FAM13A: variants seen among roughly 807,000 people sequenced by gnomAD.
FAM13A encodes the protein family with sequence similarity 13 member A, also known as protein FAM13A.
A neutral mutation model predicts 129.6 loss-of-function variants in FAM13A; 76 were observed. The observed-to-expected ratio is 0.59, with a 90% CI of 0.49 to 0.71. FAM13A has a LOEUF of 0.71. Ranked by LOEUF, FAM13A falls within the 30% of genes least tolerant of loss-of-function variation. The pLI is 0.00. For missense variants in FAM13A, 1,108 were observed against 1,249.3 expected (o/e 0.89, Z 1.70); for synonymous variants, 443 against 449.9 (o/e 0.98, Z 0.20).
At chr4:88,815,142 T>C (rs1228310490) in intron 7 of FAM13A, among the ~76,000 whole-genome samples, 2 of 152,142 alleles carry the variant, frequency 1.3e-5, no homozygotes, top group Non-Finnish European at 2.9e-5. Flanking sequence ...CGCACCCAGC[T>C]TCCCTGAGTT....
At chr4:88,872,123 C>T (rs1402127338) in intron 6 of FAM13A, among the ~76,000 whole-genome samples, 4 of 152,182 alleles carry the variant, frequency 2.6e-5, no homozygotes. Flanking sequence ...CCAGGCCTGC[C>T]TTACAAGAGC....
chr4:88,805,816 G>A (rs909305806), intron 7 of FAM13A, among the ~76,000 whole-genome samples: 1 of 151,838 alleles, frequency 6.6e-6, no homozygotes, highest in Non-Finnish European at 1.5e-5. Context: ...CCACAGGCAC[G>A]TGCTACCATG....
chr4:88,730,537 T>C (rs375654506), intron 23 of FAM13A, among the ~76,000 whole-genome samples: 3 of 152,076 alleles, frequency 2.0e-5, no homozygotes, highest in South Asian at 4.1e-4. Flanking sequence ...ATTACAGGCC[T>C]GTGCTACTGC....
chr4:88,911,176 A>T (rs963323844), intron 5 of FAM13A, among the ~76,000 whole-genome samples: 2 of 152,096 alleles, frequency 1.3e-5, no homozygotes, highest in African/African-American at 4.8e-5. Context: ...TCCCTTTATG[A>T]TCCTTCGTTC....
chr4:88,887,059 C>T, intron 6 of FAM13A, among the ~76,000 whole-genome samples: 1 of 152,134 alleles, frequency 6.6e-6, no homozygotes, highest in Admixed American at 6.6e-5. Flanking sequence ...GAAAATCAAA[C>T]ATCGTATGTT....
At chr4:88,843,290 C>T (rs1736134474) in intron 7 of FAM13A, among the ~76,000 whole-genome samples, 1 of 152,180 alleles carries the variant, frequency 6.6e-6, no homozygotes, top group Admixed American at 6.5e-5. Flanking sequence ...CTGAGACACT[C>T]CCTCATTCAT....
intron 13 of FAM13A, among the ~76,000 whole-genome samples, chr4:88,765,911 CAGA>C (rs1032644975): frequency 6.6e-6 from 1 of 152,158 alleles, no homozygotes; most frequent in Non-Finnish European, 1.5e-5. Context: ...GAGTAACACA[CAGA>C]AGAAGAGGAC....
In FAM13A at chr4:88,906,528, G is replaced by A. The variant is rs562890999; in HGVS notation, c.760-66C>T. ...CACTTACCCTAACCAAAAATTACAA[G>A]GTAGTGAAAAACAGTTTTGAAGAGA... On this transcript the variant is annotated intron_variant, in intron 5 of 23. Transcript: ENST00000264344. 1.9e-5 allele frequency: 21 copies of A among 1,091,064 alleles called. No homozygotes were observed. In the Admixed American group the frequency reaches 4.2e-4, roughly 22 times the overall value. The allele number at this position is 1,091,064 out of a possible 1,614,324, so 67.6% of individuals were successfully genotyped here. A position where few individuals can be genotyped will look rare whatever the true frequency, so the allele number is the denominator to read the frequency against.
chr4:89,007,940 CA>C (rs1296221888), intron 3 of FAM13A, among the ~76,000 whole-genome samples: 14 of 152,200 alleles, frequency 9.2e-5, no homozygotes, highest in African/African-American at 3.4e-4. Flanking sequence ...GTCACTCGAA[CA>C]AGTATATTCT....
chr4:88,870,638 G>A lies in FAM13A; in HGVS notation c.844-19455C>T, dbSNP rs368517235. ...GGTAAACAAAGCGGCCAGGAAGCTC[G>A]AACTGGTTGGAGCCTACCGCAGCCT... On this transcript the variant is annotated intron_variant, in intron 6 of 23. Transcript: ENST00000264344. Among the ~76,000 whole-genome samples the A allele has an allele frequency of 4.6e-5, 7 of 152,280 alleles. No individual in the cohort carries two copies. In the East Asian group the frequency reaches 1.2e-3, roughly 25 times the overall value.
chr4:89,001,724 A>C (rs2149054669), intron 3 of FAM13A, among the ~76,000 whole-genome samples: 1 of 152,314 alleles, frequency 6.6e-6, no homozygotes, highest in East Asian at 1.9e-4. Context: ...AACACAATAC[A>C]GATGGCATCA....
At chr4:89,035,389 T>C (rs990844177) in intron 1 of FAM13A, among the ~76,000 whole-genome samples, 1 of 150,138 alleles carries the variant, frequency 6.7e-6, no homozygotes, top group Non-Finnish European at 1.5e-5. Flanking sequence ...AATCACCTTA[T>C]CACTATGTAC....
At chr4:88,756,849 G>T (rs1004639755) in intron 14 of FAM13A, among the ~76,000 whole-genome samples, 5 of 151,568 alleles carry the variant, frequency 3.3e-5, no homozygotes, top group Admixed American at 1.3e-4. Context: ...AAAAAAAAAG[G>T]TCACTGAAAG....
At chr4:88,799,999 G>A (rs546154953) in intron 8 of FAM13A, among the ~76,000 whole-genome samples, 3 of 152,328 alleles carry the variant, frequency 2.0e-5, no homozygotes, top group Admixed American at 1.3e-4. Flanking sequence ...TCTGACACAT[G>A]CTACAACATG....
chr4:88,811,860 T>C (rs1193087313), intron 7 of FAM13A, among the ~76,000 whole-genome samples: 2 of 152,224 alleles, frequency 1.3e-5, no homozygotes, highest in Non-Finnish European at 2.9e-5. Flanking sequence ...AAAGTTTATG[T>C]GTTAGAAACT....
intron 4 of FAM13A, among the ~76,000 whole-genome samples, chr4:88,985,138 A>G (rs1162048713): frequency 6.6e-6 from 1 of 152,240 alleles, no homozygotes; most frequent in Admixed American, 6.5e-5. Flanking sequence ...CACATGCTAC[A>G]AAATGGATGA....
At chr4:88,764,684 A>G (rs145681996) in intron 13 of FAM13A, among the ~76,000 whole-genome samples, 77 of 152,314 alleles carry the variant, frequency 5.1e-4, no homozygotes, top group African/African-American at 1.7e-3. Flanking sequence ...CCCAGGGAGC[A>G]GTGTGCTAGG....
Position 88,823,259 on chromosome 4 carries a change from C to G in FAM13A, c.1008-18207G>C, listed in dbSNP as rs961849128. 7.1e-6 allele frequency: 9 copies of G among 1,273,112 alleles called. No individual in the cohort carries two copies. In the African/African-American group the frequency reaches 1.4e-4, roughly 19 times the overall value. 78.9% of individuals were successfully genotyped at this position (1,273,112 alleles called of 1,614,324 possible). Reference sequence around the variant, plus strand: ...CTGCAGTCCACTTTGACCTTTTGTTCCAGGGAAGCAGCTGAACCACCGGGC... The same window carrying G: ...CTGCAGTCCACTTTGACCTTTTGTTGCAGGGAAGCAGCTGAACCACCGGGC... On this transcript the variant is annotated intron_variant, in intron 7 of 23. Transcript: ENST00000264344.
intron 5 of FAM13A, among the ~76,000 whole-genome samples, chr4:88,919,428 T>C (rs562570379): frequency 5.9e-5 from 9 of 152,342 alleles, no homozygotes; most frequent in African/African-American, 2.2e-4. Flanking sequence ...TGAAGGAAAT[T>C]TAAGTTAACT....
Sources: gnomAD v4.1 joint callset for allele counts (sites outside exome capture counted in the v4.1 genomes callset) on GRCh38, gnomAD v4.1.1 for gene constraint, MANE v1.5 for transcripts, NCBI Gene and HGNC (gene_info 2026-07-23, HGNC 2026-07-21) for gene names.